Variants in FLRT1 observed in about 807,000 individuals in gnomAD.
The protein encoded by FLRT1 is leucine-rich repeat transmembrane protein FLRT1.
A neutral mutation model predicts 30.9 loss-of-function variants in FLRT1; 14 were observed. The observed-to-expected ratio is 0.45, with a 90% confidence interval of 0.30 to 0.71. The LOEUF is 0.71. FLRT1 is among the 30% of genes least tolerant of loss of function. The pLI is 0.08. For synonymous variants in FLRT1, 368 were observed against 430.4 expected, an observed-to-expected ratio of 0.85 and a Z score of 1.80; for missense variants, 737 against 949.2, an observed-to-expected ratio of 0.78 and a Z score of 2.94.
intron 1 of FLRT1, among the ~76,000 whole-genome samples, chr11:64,048,589 C>G (rs1247774589): frequency 6.6e-6 from 1 of 152,200 alleles, no homozygotes; most frequent in Non-Finnish European, 1.5e-5. Flanking sequence ...GTCATGGCAG[C>G]AGGGGCTGCA....
chr11:64,114,343 T>TGATGGATGGATGGTGGGCA (rs149015766), intron 2 of FLRT1, among the ~76,000 whole-genome samples: 1 of 136,252 alleles, frequency 7.3e-6, no homozygotes, highest in Non-Finnish European at 1.6e-5. Context: ...AGTAGATACA[T>TGATGGATGGATGGTGGGCA]GATGGATGGA....
chr11:64,091,363 C>T (rs987846340), intron 1 of FLRT1, among the ~76,000 whole-genome samples: 4 of 152,000 alleles, frequency 2.6e-5, no homozygotes, highest in Admixed American at 2.0e-4. Context: ...CAATCTCATT[C>T]ATTCCTCTGG....
At chr11:64,046,674 T>G (rs1450150993) in intron 1 of FLRT1, among the ~76,000 whole-genome samples, 1 of 152,166 alleles carries the variant, frequency 6.6e-6, no homozygotes, top group Non-Finnish European at 1.5e-5. Context: ...TAATTTTGTA[T>G]TTTTAATAGA....
At chr11:64,050,731 G>A (rs1000875070) in intron 1 of FLRT1, among the ~76,000 whole-genome samples, 2 of 152,202 alleles carry the variant, frequency 1.3e-5, no homozygotes, top group African/African-American at 2.4e-5. Context: ...CGATTCTCCT[G>A]CCTCAGCCTC....
chr11:64,056,596 C>T (rs1943790741), intron 1 of FLRT1, among the ~76,000 whole-genome samples: 1 of 152,224 alleles, frequency 6.6e-6, no homozygotes, highest in Non-Finnish European at 1.5e-5. Flanking sequence ...GGTGGCCAGC[C>T]CTGAGTCCGG....
intron 1 of FLRT1, among the ~76,000 whole-genome samples, chr11:64,058,670 G>A (rs1462092354): frequency 6.6e-6 from 1 of 152,234 alleles, no homozygotes; most frequent in South Asian, 2.1e-4. Flanking sequence ...ACAGCTTCCC[G>A]CTCCACGCCG....
At chr11:64,077,018 T>G (rs891663497) in intron 1 of FLRT1, among the ~76,000 whole-genome samples, 1 of 148,226 alleles carries the variant, frequency 6.7e-6, no homozygotes, top group Non-Finnish European at 1.5e-5. Flanking sequence ...GCCCTTGAGC[T>G]GTGGGGAGTA....
chr11:64,100,422 T>C (rs1011693662), intron 1 of FLRT1, among the ~76,000 whole-genome samples: 1 of 152,072 alleles, frequency 6.6e-6, no homozygotes, highest in African/African-American at 2.4e-5. Flanking sequence ...ACTCAAAAAA[T>C]GGTTTATTGG....
In FLRT1 at chr11:64,118,469, A is replaced by G; in HGVS notation, c.*177A>G. ...GATTTTGTAGAACACAACAGTGACA[A>G]TTTTTTTTAAAAGAATAGAAGGCAG... On this transcript the variant is annotated 3_prime_UTR_variant, in exon 3 of 3. Transcript: ENST00000682287. The G allele has an allele frequency of 1.6e-6, 1 of 609,460 alleles. No individual in the cohort carries two copies. 37.8% of individuals were successfully genotyped at this position (609,460 alleles called of 1,614,324 possible).
chr11:64,058,068 G>T (rs757964461), intron 1 of FLRT1, among the ~76,000 whole-genome samples: 1 of 152,238 alleles, frequency 6.6e-6, no homozygotes, highest in Admixed American at 6.5e-5. Flanking sequence ...ACTGGGCTGC[G>T]CTAGGAACAA....
At chr11:64,037,352 C>T (rs1195901259) in intron 1 of FLRT1, among the ~76,000 whole-genome samples, 2 of 152,118 alleles carry the variant, frequency 1.3e-5, no homozygotes, top group African/African-American at 2.4e-5. Flanking sequence ...AGGCAGCCGC[C>T]GCGCTCAGGG....
At chr11:64,056,535 G>T (rs1171294164) in intron 1 of FLRT1, among the ~76,000 whole-genome samples, 1 of 152,224 alleles carries the variant, frequency 6.6e-6, no homozygotes, top group Non-Finnish European at 1.5e-5. Flanking sequence ...CCATCTGTAG[G>T]CAACAGCCGG....
At chr11:64,069,323 G>A (rs1046945653) in intron 1 of FLRT1, among the ~76,000 whole-genome samples, 20 of 152,204 alleles carry the variant, frequency 1.3e-4, no homozygotes, top group Non-Finnish European at 2.8e-4. Context: ...GCTGTCAGCC[G>A]AAGAGCCTGG....
chr11:64,087,605 A>G lies in FLRT1; in HGVS notation c.-1037-15589A>G, dbSNP rs148109987. 2.7e-3 allele frequency among the ~76,000 whole-genome samples: 405 copies of G among 152,304 alleles called. 1 individual carries two copies. The highest frequency in any genetic ancestry group is 9.5e-3 in the African/African-American group (395 of 41,558). On this transcript the variant is annotated intron_variant, in intron 1 of 2. Transcript: ENST00000682287. ...TGCAGCTTCACTCGCTGCAGCCTGC[A>G]AGGCTGGCCTTGCCCGCGGCCCCAG...
rs888330602 is a variant in FLRT1, at chr11:64,090,215, G to A, written c.-1037-12979G>A. Among the ~76,000 whole-genome samples, 6 of 152,196 alleles carry A rather than the reference G, an allele frequency of 3.9e-5. No homozygotes were observed. The highest frequency in any genetic ancestry group is 1.4e-4 in the African/African-American group (6 of 41,450). ...CAGCCTGAGTCCACAGGGTGACAGG[G>A]TGTGGGAAAGGCCAACGGGCGTGTG... On this transcript the variant is annotated intron_variant, in intron 1 of 2. Coordinates refer to ENST00000682287, the MANE Select transcript of FLRT1 (RefSeq NM_013280.5). The surrounding 1 kb of genome is among the most constrained non-coding windows in gnomAD (Gnocchi z 4.7).
intron 2 of FLRT1, among the ~76,000 whole-genome samples, chr11:64,105,166 A>C (rs1279619886): frequency 6.6e-6 from 1 of 152,214 alleles, no homozygotes; most frequent in African/African-American, 2.4e-5. Flanking sequence ...TTTATTATAA[A>C]AGTGCGCCAG....
intron 1 of FLRT1, among the ~76,000 whole-genome samples, chr11:64,063,746 C>T (rs182768275): frequency 2.0e-4 from 30 of 152,306 alleles, no homozygotes; most frequent in Non-Finnish European, 2.8e-4. Context: ...GGCAGCCACG[C>T]GGTCCTCGCC....
chr11:64,082,436 G>GT lies in FLRT1; in HGVS notation c.-1037-20757dup, dbSNP rs1321835468. On this transcript the variant is annotated intron_variant, in intron 1 of 2. Coordinates refer to ENST00000682287, the MANE Select transcript of FLRT1 (RefSeq NM_013280.5). This position sits in a 1 kb window ranked among gnomAD's most constrained non-coding sequence, Gnocchi z 4.5. Reference sequence around the variant, plus strand: ...GCGTCCTAAGGTGAGGGGCAGGCAGGTGAGGGGCTTGAGGGCAGGGCTGAG... The same window carrying GT: ...GCGTCCTAAGGTGAGGGGCAGGCAGGTTGAGGGGCTTGAGGGCAGGGCTGAG... Among the ~76,000 whole-genome samples, 1 of 152,064 alleles carries GT rather than the reference G, an allele frequency of 6.6e-6. No homozygotes were observed. The highest frequency in any genetic ancestry group is 2.4e-5 in the African/African-American group (1 of 41,406).
chr11:64,084,941 CACA>C (rs1944368395), intron 1 of FLRT1, among the ~76,000 whole-genome samples: 2 of 152,334 alleles, frequency 1.3e-5, no homozygotes, highest in South Asian at 4.1e-4. Context: ...GCTGCCCTCC[CACA>C]ACAAGGGTTT....
Sources: gnomAD v4.1 joint callset for allele counts (sites outside exome capture counted in the v4.1 genomes callset) on GRCh38, gnomAD v4.1.1 for gene constraint, Gnocchi (gnomAD v3.1) non-coding constraint, MANE v1.5 for transcripts, NCBI Gene and HGNC (gene_info 2026-07-23, HGNC 2026-07-21) for gene names.